PPM1E: variants seen among roughly 807,000 people sequenced by gnomAD.
PPM1E encodes protein phosphatase 1E.
PPM1E carries 20 observed loss-of-function variants against 65.9 expected under a neutral mutation model. That is an observed-to-expected ratio of 0.30 (90% CI 0.21 to 0.44). The LOEUF (loss-of-function observed/expected upper bound fraction) is 0.44. Among genes scored for constraint, PPM1E ranks in the 20% least tolerant of loss-of-function variants. The pLI is 1.00. For missense variants in PPM1E, 713 were observed against 953.1 expected (o/e 0.75, Z 3.32); for synonymous variants, 352 against 374.9 (o/e 0.94, Z 0.70).
rs560912610 is a variant in PPM1E at position 58,899,983 on chromosome 17, C to A, written c.465-55666C>A. ...GCTGAGGTAGGAGGATCACTTGAGG[C>A]CAGGAGTTCAAGACCAACCTGGGCA... On this transcript the variant is annotated intron_variant, in intron 1 of 6. Transcript: ENST00000308249. Among the ~76,000 whole-genome samples, 4 of 151,174 alleles carry A rather than the reference C, an allele frequency of 2.6e-5. 1 individual carries two copies. Among genetic ancestry groups the A allele is most frequent in the Admixed American group, 1.3e-4 (2 of 15,130 alleles).
At chr17:58,864,194 G>C (rs140310425) in intron 1 of PPM1E, among the ~76,000 whole-genome samples, 3 of 152,056 alleles carry the variant, frequency 2.0e-5, no homozygotes, top group Non-Finnish European at 4.4e-5. Flanking sequence ...CCAAAGTCAT[G>C]AGCTACTCTG....
chr17:58,981,531 G>C lies in PPM1E; in HGVS notation c.*500G>C, dbSNP rs1043299364. ...AACCCCCTGCCCCCTCACCTTTTTG[G>C]GTAGGTAAAAGACTAAAAGCCATAT... On this transcript the variant is annotated 3_prime_UTR_variant, in exon 7 of 7. Coordinates refer to ENST00000308249, the MANE Select transcript of PPM1E (RefSeq NM_014906.5). The C allele has an allele frequency of 1.3e-5, 2 of 152,846 alleles. No individual in the cohort carries two copies. The highest frequency in any genetic ancestry group is 2.9e-5 in the Non-Finnish European group (2 of 68,550). The allele number at this position is 152,846 out of a possible 1,614,324, so 9.5% of individuals were successfully genotyped here.
chr17:58,942,475 A>G (rs1339552291), intron 1 of PPM1E, among the ~76,000 whole-genome samples: 1 of 152,186 alleles, frequency 6.6e-6, no homozygotes, highest in Non-Finnish European at 1.5e-5. Context: ...GCCATTTTAT[A>G]TGTTCCTGAA....
At chr17:58,863,712 T>C (rs2050968274) in intron 1 of PPM1E, among the ~76,000 whole-genome samples, 1 of 152,148 alleles carries the variant, frequency 6.6e-6, no homozygotes, top group South Asian at 2.1e-4. Context: ...TGGAAGTGGC[T>C]CTTAGTGTGC....
intron 1 of PPM1E, among the ~76,000 whole-genome samples, chr17:58,883,765 G>A (rs575077567): frequency 6.6e-6 from 1 of 151,946 alleles, no homozygotes; most frequent in East Asian, 1.9e-4. Flanking sequence ...GATTACAGGC[G>A]TGAGCCACCG....
At chr17:58,896,160 A>G (rs1284583953) in intron 1 of PPM1E, among the ~76,000 whole-genome samples, 1 of 151,752 alleles carries the variant, frequency 6.6e-6, no homozygotes, top group African/African-American at 2.4e-5. Context: ...AGCCTTATTG[A>G]TGATATAGAG....
intron 1 of PPM1E, among the ~76,000 whole-genome samples, chr17:58,861,649 G>T (rs1825723171): frequency 6.6e-6 from 1 of 152,138 alleles, no homozygotes; most frequent in Non-Finnish European, 1.5e-5. Flanking sequence ...TTTCTGGCTG[G>T]GCACGGTGGC....
intron 1 of PPM1E, among the ~76,000 whole-genome samples, chr17:58,827,982 G>T (rs528645553): frequency 6.6e-6 from 1 of 151,484 alleles, no homozygotes; most frequent in Non-Finnish European, 1.5e-5. Flanking sequence ...ACTTTGGGAG[G>T]TTGAGGTGGG....
rs538598134 is a variant in PPM1E, at chr17:58,810,500, C to T, written c.464+54039C>T. On this transcript the variant is annotated intron_variant, in intron 1 of 6. Coordinates refer to ENST00000308249, the MANE Select transcript of PPM1E (RefSeq NM_014906.5). ...GATTACAGGCATGAGCCACTGCGCC[C>T]GGCCGCTGTGTACTTTACATTGCAT... Among the ~76,000 whole-genome samples, 15 of 152,164 alleles carry T rather than the reference C, an allele frequency of 9.9e-5. No homozygotes were observed. In the East Asian group the frequency reaches 1.7e-3, roughly 18 times the overall value.
chr17:58,826,029 C>G (rs1353297555), intron 1 of PPM1E, among the ~76,000 whole-genome samples: 1 of 151,550 alleles, frequency 6.6e-6, no homozygotes, highest in Middle Eastern at 3.2e-3. Context: ...TGGCTTATGC[C>G]TGTAATCCCA....
At chr17:58,816,779 TATATATATATATATA>T (rs1207916728) in intron 1 of PPM1E, among the ~76,000 whole-genome samples, 212 of 13,390 alleles carry the variant, frequency 0.016, 4 homozygotes, top group South Asian at 0.032. Context: ...TATATATATA[TATATATATATATATA>T]TTTTTTTTTT....
At chr17:58,895,028 A>G (rs2051395560) in intron 1 of PPM1E, among the ~76,000 whole-genome samples, 1 of 152,132 alleles carries the variant, frequency 6.6e-6, no homozygotes, top group African/African-American at 2.4e-5. Flanking sequence ...TGATCACTTC[A>G]TGTCTCTGTC....
chr17:58,876,448 T>G (rs1309637467), intron 1 of PPM1E, among the ~76,000 whole-genome samples: 1 of 152,208 alleles, frequency 6.6e-6, no homozygotes, highest in African/African-American at 2.4e-5. Flanking sequence ...TACTAGGGAA[T>G]TCTACAATCT....
rs912745824 is a variant in PPM1E, at chr17:58,756,272, C to T, written c.275C>T (p.Ala92Val). 1.6e-5 allele frequency: 24 copies of T among 1,547,556 alleles called. No homozygotes were observed. Among genetic ancestry groups the T allele is most frequent in the Non-Finnish European group, 2.0e-5 (23 of 1,145,588 alleles). The change falls in exon 1 of 7, where the codon GCG becomes GTG. Residue 92 changes from alanine (A) to valine (V), a missense_variant. Physicochemically the swap from Ala to Val is moderately conservative, Grantham distance 64. Transcript: ENST00000308249. ...GACCCGGAGCCCGAGGAGGAGGCGG[C>T]GGTTGAGGGTGAGGAGGAGGAGGAG... Reference protein sequence around the residue: ...EQDPEPEEEAAVEGEEEEEGA... With the variant: ...EQDPEPEEEAVVEGEEEEEGA...
intron 1 of PPM1E, among the ~76,000 whole-genome samples, chr17:58,802,499 T>C (rs1308693393): frequency 6.6e-6 from 1 of 152,190 alleles, no homozygotes; most frequent in East Asian, 1.9e-4. Flanking sequence ...TTCTCTAGAT[T>C]GCTTTAGCTA....
rs187780918 is a variant in PPM1E, at chr17:58,812,277, C to T, written c.464+55816C>T. Among the ~76,000 whole-genome samples the T allele has an allele frequency of 5.1e-4, 64 of 126,286 alleles. 1 individual carries two copies. In the Admixed American group the frequency reaches 5.6e-3, roughly 11 times the overall value. The allele number at this position is 126,286 out of a possible 152,430, so 82.8% of individuals were successfully genotyped here. On this transcript the variant is annotated intron_variant, in intron 1 of 6. Coordinates refer to ENST00000308249, the MANE Select transcript of PPM1E (RefSeq NM_014906.5). ...CCACATTGCGCCACTGAACTCCCAC[C>T]TGGGCGACAGAGCAAGACTCTGTTT...
At chr17:58,879,272 ATAC>A (rs932363896) in intron 1 of PPM1E, among the ~76,000 whole-genome samples, 1 of 84,236 alleles carries the variant, frequency 1.2e-5, no homozygotes, top group Non-Finnish European at 2.5e-5. Context: ...TTATCTCCAC[ATAC>A]TATATATAAT....
At chr17:58,776,072 C>T (rs1190518391) in intron 1 of PPM1E, among the ~76,000 whole-genome samples, 1 of 152,024 alleles carries the variant, frequency 6.6e-6, no homozygotes, top group Non-Finnish European at 1.5e-5. Flanking sequence ...CATGGTGGCT[C>T]ACGCACTTTG....
intron 1 of PPM1E, among the ~76,000 whole-genome samples, chr17:58,909,493 A>G (rs909783719): frequency 7.9e-5 from 12 of 151,958 alleles, no homozygotes; most frequent in African/African-American, 2.9e-4. Flanking sequence ...CCTGGCCTCA[A>G]CTGATCCCCC....
Sources: allele counts gnomAD v4.1 joint callset (sites outside exome capture counted in the v4.1 genomes callset), GRCh38; gene constraint gnomAD v4.1.1; transcripts MANE v1.5; gene names NCBI Gene and HGNC (gene_info 2026-07-23, HGNC 2026-07-21).